Variants in CLSTN2 observed in about 807,000 individuals in gnomAD.
CLSTN2 encodes the protein calsyntenin 2.
A neutral mutation model predicts 101.2 loss-of-function variants in CLSTN2; 48 were observed. The observed-to-expected ratio is 0.47, with a 90% CI of 0.38 to 0.60. CLSTN2 has a LOEUF of 0.60. Ranked by LOEUF, CLSTN2 falls within the 20% of genes least tolerant of loss-of-function variation. The pLI, the probability that CLSTN2 is intolerant of heterozygous loss-of-function variation, is 0.00. For missense variants in CLSTN2, 1,160 were observed against 1,238.2 expected, an observed-to-expected ratio of 0.94 and a Z score of 0.95; for synonymous variants, 481 against 463.6, an observed-to-expected ratio of 1.04 and a Z score of -0.48.
At chr3:139,955,374 G>A (rs1257134078) in intron 1 of CLSTN2, among the ~76,000 whole-genome samples, 1 of 151,780 alleles carries the variant, frequency 6.6e-6, no homozygotes, top group Non-Finnish European at 1.5e-5. Context: ...GTAAGCCTGA[G>A]GATATAAAAA....
At chr3:140,259,470 T>A (rs1267144080) in intron 2 of CLSTN2, among the ~76,000 whole-genome samples, 1 of 152,040 alleles carries the variant, frequency 6.6e-6, no homozygotes, top group African/African-American at 2.4e-5. Flanking sequence ...TGAGACTCCA[T>A]CTCCAAAAAA....
rs189777839 is a variant in CLSTN2 at position 140,348,140 on chromosome 3, G to C, written c.233-55489G>C. Among the ~76,000 whole-genome samples the C allele has an allele frequency of 1.4e-4, 21 of 152,316 alleles. No homozygotes were observed. The East Asian group carries it at 3.9e-3, about 28-fold the overall frequency. ...AGTATGGAGCTTTGACCTTGGAAAT[G>C]TTCTTTCCCCACTCTGGAAATGGTA... On this transcript the variant is annotated intron_variant, in intron 2 of 16. Transcript: ENST00000458420.
Position 140,107,941 on chromosome 3 carries a change from C to T in CLSTN2, c.110-68010C>T, listed in dbSNP as rs747621769. On this transcript the variant is annotated intron_variant, in intron 1 of 16. Coordinates refer to ENST00000458420, the MANE Select transcript of CLSTN2 (RefSeq NM_022131.3). ...AAAGTGAGAGACTTCTCTGAGGCAG[C>T]GCCTCCAGCAATAGGCAATTTGGGA... Among the ~76,000 whole-genome samples the T allele has an allele frequency of 3.3e-5, 5 of 152,164 alleles. 1 individual carries two copies. The South Asian group carries it at 8.3e-4, about 25-fold the overall frequency.
At chr3:140,379,414 G>A (rs2087954958) in intron 2 of CLSTN2, among the ~76,000 whole-genome samples, 1 of 152,214 alleles carries the variant, frequency 6.6e-6, no homozygotes, top group Admixed American at 6.5e-5. Context: ...ACTCTTCAGA[G>A]TAGCTCAGTG....
At chr3:140,224,417 G>T (rs1279232839) in intron 2 of CLSTN2, among the ~76,000 whole-genome samples, 1 of 152,208 alleles carries the variant, frequency 6.6e-6, no homozygotes, top group Non-Finnish European at 1.5e-5. Context: ...TTATTGAGTA[G>T]TTAATATGAG....
At chr3:140,021,524 C>T (rs527850866) in intron 1 of CLSTN2, among the ~76,000 whole-genome samples, 34 of 152,190 alleles carry the variant, frequency 2.2e-4, no homozygotes, top group African/African-American at 6.3e-4. Context: ...TTAGAACCAC[C>T]GGTGTGTACC....
chr3:140,134,059 T>A (rs1375580231), intron 1 of CLSTN2, among the ~76,000 whole-genome samples: 5 of 152,170 alleles, frequency 3.3e-5, no homozygotes, highest in Non-Finnish European at 7.4e-5. Context: ...CTCCCTCCCA[T>A]CCATGATCCT....
intron 2 of CLSTN2, among the ~76,000 whole-genome samples, chr3:140,245,133 T>A (rs4234484): frequency 0.89 from 135,475 of 152,224 alleles, 61,471 homozygotes; most frequent in East Asian, 1. Context: ...TCTAACTTGA[T>A]AACCACGTGT....
intron 5 of CLSTN2, among the ~76,000 whole-genome samples, chr3:140,430,718 T>C (rs146544646): frequency 1.1e-3 from 168 of 152,256 alleles, no homozygotes; most frequent in African/African-American, 3.9e-3. Context: ...GGAGATCAAA[T>C]GGACATATTT....
At chr3:140,192,250 G>C (rs2010576643) in intron 2 of CLSTN2, among the ~76,000 whole-genome samples, 1 of 151,856 alleles carries the variant, frequency 6.6e-6, no homozygotes, top group African/African-American at 2.4e-5. Context: ...GTCTATCTCA[G>C]TAGATATTCT....
intron 1 of CLSTN2, among the ~76,000 whole-genome samples, chr3:140,135,466 TTG>T (rs1304600621): frequency 2.0e-5 from 3 of 152,154 alleles, no homozygotes; most frequent in Admixed American, 6.5e-5. Context: ...GTCATTTCTG[TTG>T]TGTTTATATT....
intron 1 of CLSTN2, among the ~76,000 whole-genome samples, chr3:139,945,748 A>G (rs779280435): frequency 2.6e-4 from 40 of 152,378 alleles, no homozygotes; most frequent in African/African-American, 9.1e-4. Flanking sequence ...ATGTTAATCT[A>G]ATGCATGTCT....
chr3:140,104,025 G>T (rs897872199), intron 1 of CLSTN2, among the ~76,000 whole-genome samples: 2 of 152,190 alleles, frequency 1.3e-5, no homozygotes, highest in Non-Finnish European at 2.9e-5. Flanking sequence ...TCTTATCAGG[G>T]AACAAGGAGA....
intron 8 of CLSTN2, among the ~76,000 whole-genome samples, chr3:140,524,471 G>A (rs972819191): frequency 7.2e-5 from 11 of 152,132 alleles, no homozygotes; most frequent in African/African-American, 2.4e-4. Flanking sequence ...AAGATATCAC[G>A]TCATTTCAGC....
At chr3:140,246,326 G>T (rs2086517314) in intron 2 of CLSTN2, among the ~76,000 whole-genome samples, 1 of 152,130 alleles carries the variant, frequency 6.6e-6, no homozygotes, top group African/African-American at 2.4e-5. Context: ...AGCGTTCCTG[G>T]TAAATAACTG....
chr3:140,220,113 C>T (rs1453317116), intron 2 of CLSTN2, among the ~76,000 whole-genome samples: 1 of 152,224 alleles, frequency 6.6e-6, no homozygotes, highest in African/African-American at 2.4e-5. Context: ...TACTGCTTTT[C>T]CTGCAGTCAG....
At chr3:140,137,680 T>G (rs1391210090) in intron 1 of CLSTN2, among the ~76,000 whole-genome samples, 1 of 152,186 alleles carries the variant, frequency 6.6e-6, no homozygotes, top group African/African-American at 2.4e-5. Flanking sequence ...TTCTTATGAC[T>G]ATGCTAATAT....
At chr3:140,469,791 G>T (rs1933793653) in intron 8 of CLSTN2, among the ~76,000 whole-genome samples, 1 of 152,188 alleles carries the variant, frequency 6.6e-6, no homozygotes, top group African/African-American at 2.4e-5. Context: ...AAGATTAAAA[G>T]AAGGGAGAGA....
chr3:140,484,220 T>A (rs1934190098), intron 8 of CLSTN2, among the ~76,000 whole-genome samples: 1 of 152,236 alleles, frequency 6.6e-6, no homozygotes, highest in African/African-American at 2.4e-5. Flanking sequence ...CCTTCACTGA[T>A]GAAGCTTAGT....
Sources: gnomAD v4.1 joint callset for allele counts (sites outside exome capture counted in the v4.1 genomes callset) on GRCh38, gnomAD v4.1.1 for gene constraint, MANE v1.5 for transcripts, NCBI Gene and HGNC (gene_info 2026-07-23, HGNC 2026-07-21) for gene names.